The following ARHGAP10 variants were observed in gnomAD, a reference collection of about 807,000 sequenced individuals.
The protein encoded by ARHGAP10 is rho GTPase-activating protein 10.
Under a neutral mutation model 108.6 loss-of-function variants are expected in ARHGAP10, and 87 were observed. The observed-to-expected ratio is 0.80, with a 90% CI of 0.67 to 0.96. The LOEUF (loss-of-function observed/expected upper bound fraction) is 0.96, where lower values mean the gene tolerates loss of function less well. Ranked by LOEUF, ARHGAP10 falls within the 40% of genes least tolerant of loss-of-function variation. The probability of loss-of-function intolerance (pLI) is 0.00; values close to 1 mark genes in which losing one functional copy is unlikely to be tolerated. For synonymous variants in ARHGAP10, 347 were observed against 341.1 expected (o/e 1.02, Z -0.19); for missense variants, 939 against 954.5 (o/e 0.98, Z 0.21).
chr4:147,923,706 G>A (rs1737339282), intron 13 of ARHGAP10, among the ~76,000 whole-genome samples: 2 of 152,300 alleles, frequency 1.3e-5, no homozygotes, highest in South Asian at 4.1e-4. Context: ...CCTTTGCAAA[G>A]CAAAGTTTTA....
chr4:147,928,313 T>C (rs1346667141), intron 13 of ARHGAP10, among the ~76,000 whole-genome samples: 1 of 152,164 alleles, frequency 6.6e-6, no homozygotes, highest in Non-Finnish European at 1.5e-5. Flanking sequence ...GGGACAGTAG[T>C]GAGTGGATGT....
chr4:148,060,026 A>AGG (rs1553978085), intron 20 of ARHGAP10, among the ~76,000 whole-genome samples: 10 of 68,072 alleles, frequency 1.5e-4, no homozygotes, highest in East Asian at 1.4e-3. Flanking sequence ...GGGGAGAGAG[A>AGG]CGAGAGAGAG....
intron 20 of ARHGAP10, 75 bp downstream of exon 20, chr4:148,047,126 A>G: frequency 6.4e-7 from 1 of 1,551,718 alleles, no homozygotes; most frequent in Non-Finnish European, 8.8e-7. Context: ...TTCCATGAGC[A>G]GTGACCTGTG....
chr4:148,040,485 G>T (rs1053389004), intron 19 of ARHGAP10, among the ~76,000 whole-genome samples: 6 of 152,082 alleles, frequency 3.9e-5, no homozygotes, highest in Non-Finnish European at 8.8e-5. Flanking sequence ...GGGATTACAG[G>T]CGTGCACCAC....
intron 1 of ARHGAP10, among the ~76,000 whole-genome samples, chr4:147,813,169 T>G (rs1013349042): frequency 6.6e-6 from 1 of 151,932 alleles, no homozygotes; most frequent in Non-Finnish European, 1.5e-5. Context: ...AAGAATTGTA[T>G]GTGTTAATGT....
intron 1 of ARHGAP10, among the ~76,000 whole-genome samples, chr4:147,737,088 A>AG (rs1728447472): frequency 6.6e-6 from 1 of 152,098 alleles, no homozygotes; most frequent in African/African-American, 2.4e-5. Context: ...GACATAAGAC[A>AG]GTTTTGAGTT....
intron 8 of ARHGAP10, 29 bp from the exon 9 acceptor site, chr4:147,879,203 A>C: frequency 1.3e-6 from 2 of 1,587,188 alleles, no homozygotes; most frequent in Non-Finnish European, 1.7e-6. Context: ...TTATGAGGGA[A>C]AATATAAAGG....
chr4:147,779,743 C>T (rs1015548126), intron 1 of ARHGAP10, among the ~76,000 whole-genome samples: 1 of 152,150 alleles, frequency 6.6e-6, no homozygotes, highest in Non-Finnish European at 1.5e-5. Context: ...GATTGCCTAT[C>T]CTGTTTTCAG....
intron 16 of ARHGAP10, among the ~76,000 whole-genome samples, chr4:147,960,848 G>T (rs1422479922): frequency 1.3e-5 from 2 of 152,104 alleles, no homozygotes; most frequent in African/African-American, 4.8e-5. Flanking sequence ...TCTGTATCTG[G>T]TTTCTTTTGC....
At chr4:147,912,848 A>G (rs1413607737) in intron 12 of ARHGAP10, among the ~76,000 whole-genome samples, 1 of 151,594 alleles carries the variant, frequency 6.6e-6, no homozygotes, top group Non-Finnish European at 1.5e-5. Flanking sequence ...GGGCCTCACC[A>G]TGTTCCCCAG....
intron 6 of ARHGAP10, 44 bp downstream of exon 6, chr4:147,865,000 A>C: frequency 6.7e-7 from 1 of 1,502,528 alleles, no homozygotes; most frequent in Non-Finnish European, 9.2e-7. Context: ...TTGCAATGTA[A>C]GATAAGTATT....
chr4:147,922,613 G>A (rs1647606413), intron 13 of ARHGAP10, among the ~76,000 whole-genome samples: 1 of 148,736 alleles, frequency 6.7e-6, no homozygotes, highest in South Asian at 2.2e-4. Context: ...GCGTGAACCC[G>A]GGAGGCGGAG....
At chr4:147,870,928 C>CTGTGTGTGTGTGTGTG (rs57348496) in intron 7 of ARHGAP10, among the ~76,000 whole-genome samples, 11 of 139,054 alleles carry the variant, frequency 7.9e-5, no homozygotes, top group African/African-American at 2.1e-4. Flanking sequence ...AAACTACAGA[C>CTGTGTGTGTGTGTGTG]TGTGTGTGTG....
chr4:147,916,603 C>T (rs1736993963), intron 13 of ARHGAP10: 1 of 152,190 alleles, frequency 6.6e-6, no homozygotes, highest in Admixed American at 6.5e-5. Flanking sequence ...ACTCAGGAAG[C>T]CTGAACATCA....
chr4:147,802,126 T>C (rs1209254822), intron 1 of ARHGAP10, among the ~76,000 whole-genome samples: 1 of 152,238 alleles, frequency 6.6e-6, no homozygotes, highest in Non-Finnish European at 1.5e-5. Flanking sequence ...TCTGTTTTTC[T>C]TCTTTCCATA....
intron 1 of ARHGAP10, among the ~76,000 whole-genome samples, chr4:147,747,147 C>T (rs1728959269): frequency 6.6e-6 from 1 of 151,962 alleles, no homozygotes; most frequent in East Asian, 1.9e-4. Context: ...CCCAAACGGT[C>T]CTTCATCTTT....
At chr4:147,804,958 G>T (rs1369589302) in intron 1 of ARHGAP10, among the ~76,000 whole-genome samples, 2 of 152,114 alleles carry the variant, frequency 1.3e-5, no homozygotes, top group Non-Finnish European at 2.9e-5. Context: ...TTTTTGCTGT[G>T]CAGAGGCTCT....
intron 18 of ARHGAP10, among the ~76,000 whole-genome samples, chr4:148,011,448 A>G (rs1741168931): frequency 6.6e-6 from 1 of 152,226 alleles, no homozygotes; most frequent in South Asian, 2.1e-4. Context: ...ACTGTTGAGC[A>G]CGGCACCTAT....
chr4:147,945,100 G>A (rs1467612679), intron 14 of ARHGAP10, among the ~76,000 whole-genome samples: 1 of 152,122 alleles, frequency 6.6e-6, no homozygotes, highest in East Asian at 1.9e-4. Flanking sequence ...AAGCGTGTAA[G>A]CCCAGCTTTG....
Sources: allele counts gnomAD v4.1 joint callset (sites outside exome capture counted in the v4.1 genomes callset), GRCh38; gene constraint gnomAD v4.1.1; transcripts MANE v1.5; gene names NCBI Gene and HGNC (gene_info 2026-07-23, HGNC 2026-07-21).